GBX1: variants seen among roughly 807,000 people sequenced by gnomAD.
The protein encoded by GBX1 is homeobox protein GBX-1.
A neutral mutation model predicts 22.9 loss-of-function variants in GBX1; 9 were observed. That is an observed-to-expected ratio of 0.39 (90% CI 0.24 to 0.69). GBX1 has a LOEUF of 0.69. Ranked by LOEUF, GBX1 falls within the 30% of genes least tolerant of loss-of-function variation. GBX1 has a pLI of 0.43. For synonymous variants in GBX1, 203 were observed against 227.3 expected, an observed-to-expected ratio of 0.89 and a Z score of 0.96; for missense variants, 494 against 509.2, an observed-to-expected ratio of 0.97 and a Z score of 0.29.
intron 1 of GBX1, among the ~76,000 whole-genome samples, chr7:151,154,189 C>T (rs1007194501): frequency 2.6e-5 from 4 of 151,594 alleles, no homozygotes; most frequent in Non-Finnish European, 4.4e-5. Context: ...CCAGCCTGGG[C>T]GACAGAGTCT....
chr7:151,151,786 C>A (rs1801081986), intron 1 of GBX1, among the ~76,000 whole-genome samples: 1 of 152,226 alleles, frequency 6.6e-6, no homozygotes, highest in Admixed American at 6.5e-5. Context: ...ACCTGGTTCA[C>A]TGTCATCTTC....
chr7:151,160,888 T>C (rs547197219), intron 1 of GBX1, among the ~76,000 whole-genome samples: 7 of 152,334 alleles, frequency 4.6e-5, no homozygotes, highest in Admixed American at 3.9e-4. Flanking sequence ...CATAGAGAGC[T>C]CTGTCCTTTT....
At chr7:151,152,022 T>C (rs1801085100) in intron 1 of GBX1, among the ~76,000 whole-genome samples, 1 of 152,238 alleles carries the variant, frequency 6.6e-6, no homozygotes, top group African/African-American at 2.4e-5. Flanking sequence ...ATTTTACCAA[T>C]TTTATTCATT....
At chr7:151,163,662 C>T (rs1801211292) in intron 1 of GBX1, among the ~76,000 whole-genome samples, 1 of 151,866 alleles carries the variant, frequency 6.6e-6, no homozygotes. Context: ...TTAATTTTAC[C>T]TATTTTTATC....
At chr7:151,159,241 C>G (rs1335079473) in intron 1 of GBX1, among the ~76,000 whole-genome samples, 1 of 152,046 alleles carries the variant, frequency 6.6e-6, no homozygotes, top group Non-Finnish European at 1.5e-5. Context: ...TGCGCCACCA[C>G]TGCTAGCTAA....
chr7:151,151,831 A>C (rs977210316), intron 1 of GBX1, among the ~76,000 whole-genome samples: 1 of 151,874 alleles, frequency 6.6e-6, no homozygotes, highest in Non-Finnish European at 1.5e-5. Context: ...TCCACACTCC[A>C]CCTGGCCCAT....
chr7:151,149,013 G>A lies in GBX1; in HGVS notation c.668C>T (p.Ala223Val), dbSNP rs779955416. The change falls in exon 2 of 2, where the codon GCA (alanine) becomes GTA (valine). Residue 223 changes from alanine to valine, a missense_variant. Transcript: ENST00000297537. ...SEDDGFLDSSAGGPGALLGPK... is the reference protein window; with the variant it reads ...SEDDGFLDSSVGGPGALLGPK... ...TCCCAGAAGAGCCCCTGGGCCCCCTGCAGAACTGTCCAGGAAACCGTCATC... is the reference window on the plus strand; with the variant it reads ...TCCCAGAAGAGCCCCTGGGCCCCCTACAGAACTGTCCAGGAAACCGTCATC... 2.5e-6 allele frequency: 4 copies of A among 1,613,978 alleles called. No individual in the cohort carries two copies. The South Asian group carries it at 4.4e-5, about 18-fold the overall frequency.
At chr7:151,163,213 G>A (rs527707985) in intron 1 of GBX1, among the ~76,000 whole-genome samples, 1 of 151,766 alleles carries the variant, frequency 6.6e-6, no homozygotes. Flanking sequence ...CTTGCACACA[G>A]CAAGTTAGCT....
chr7:151,161,030 A>T (rs1801183088), intron 1 of GBX1, among the ~76,000 whole-genome samples: 2 of 151,744 alleles, frequency 1.3e-5, no homozygotes, highest in Admixed American at 1.3e-4. Flanking sequence ...CATCTACTCA[A>T]TTACTTCTCT....
chr7:151,166,758 A>C (rs1387902786), intron 1 of GBX1, among the ~76,000 whole-genome samples: 1 of 152,190 alleles, frequency 6.6e-6, no homozygotes, highest in East Asian at 1.9e-4. Context: ...AGGGAAAGGC[A>C]CTAATGTGAA....
chr7:151,167,584 C>T lies in GBX1; in HGVS notation c.-36G>A. 1 of 1,321,612 alleles carries T rather than the reference C, an allele frequency of 7.6e-7. No individual in the cohort carries two copies. The highest frequency in any genetic ancestry group is 9.6e-7 in the Non-Finnish European group (1 of 1,044,108). 81.9% of individuals were successfully genotyped at this position (1,321,612 alleles called of 1,614,324 possible). ...GCTGCGGCCGCCCCGGGGCGCTCCT[C>T]TCTGGGCGCCTCCGTGCGCCCCGCG... is the stretch of plus-strand genomic sequence containing the variant. On this transcript the variant is annotated 5_prime_UTR_variant, in exon 1 of 2. Coordinates refer to ENST00000297537, the MANE Select transcript of GBX1 (RefSeq NM_001098834.3). The surrounding 1 kb of genome is among the most constrained non-coding windows in gnomAD (Gnocchi z 5.9).
At position 151,148,059 on chromosome 7, in the gene GBX1, C is replaced by A. The variant is rs946110115; in HGVS notation, c.*530G>T. Among the ~76,000 whole-genome samples, 3 of 152,134 alleles carry A rather than the reference C, an allele frequency of 2.0e-5. No homozygotes were observed. The highest frequency in any genetic ancestry group is 4.4e-5 in the Non-Finnish European group (3 of 68,012). On this transcript the variant is annotated 3_prime_UTR_variant, in exon 2 of 2. Coordinates refer to ENST00000297537, the MANE Select transcript of GBX1 (RefSeq NM_001098834.3). The surrounding 1 kb of genome is among the most constrained non-coding windows in gnomAD (Gnocchi z 5.1). The stretch of plus-strand genomic sequence containing the variant: ...AAAGAGAGGCAAGATGGGGCCTACC[C>A]CAAAGCAGTAGGACAGACGAACTCT...
At chr7:151,159,745 G>A (rs1445803631) in intron 1 of GBX1, among the ~76,000 whole-genome samples, 1 of 152,164 alleles carries the variant, frequency 6.6e-6, no homozygotes, top group East Asian at 1.9e-4. Context: ...AGAAGGCCAG[G>A]AACCAATTTT....
chr7:151,150,849 C>T (rs969020649), intron 1 of GBX1, among the ~76,000 whole-genome samples: 1 of 152,206 alleles, frequency 6.6e-6, no homozygotes, highest in Non-Finnish European at 1.5e-5. Context: ...CCTCCACCCT[C>T]AGCCTCCCAA....
chr7:151,156,418 GA>G (rs1213690544), intron 1 of GBX1, among the ~76,000 whole-genome samples: 13 of 51,526 alleles, frequency 2.5e-4, no homozygotes, highest in African/African-American at 8.2e-4. Context: ...AAAAAAAAAC[GA>G]AAAAAAAGAG....
chr7:151,154,457 C>T (rs1211964586), intron 1 of GBX1, among the ~76,000 whole-genome samples: 1 of 152,066 alleles, frequency 6.6e-6, no homozygotes, highest in East Asian at 1.9e-4. Context: ...AGGTTCTGTC[C>T]TTTATGATGA....
Position 151,148,078 on chromosome 7 carries a change from G to T in GBX1, c.*511C>A, listed in dbSNP as rs534878987. ...CCTACCCCAAAGCAGTAGGACAGACGAACTCTGGCTGAGGATTGAGGAAAC... is the reference window on the plus strand; with the variant it reads ...CCTACCCCAAAGCAGTAGGACAGACTAACTCTGGCTGAGGATTGAGGAAAC... On this transcript the variant is annotated 3_prime_UTR_variant, in exon 2 of 2. Coordinates refer to ENST00000297537, the MANE Select transcript of GBX1 (RefSeq NM_001098834.3). This position sits in a 1 kb window ranked among gnomAD's most constrained non-coding sequence, Gnocchi z 5.1. Among the ~76,000 whole-genome samples the T allele has an allele frequency of 6.6e-6, 1 of 152,182 alleles. No individual in the cohort carries two copies. The highest frequency in any genetic ancestry group is 1.5e-5 in the Non-Finnish European group (1 of 68,028).
At chr7:151,157,645 T>G (rs1290352129) in intron 1 of GBX1, among the ~76,000 whole-genome samples, 1 of 152,212 alleles carries the variant, frequency 6.6e-6, no homozygotes, top group African/African-American at 2.4e-5. Flanking sequence ...TGTTTTTGTC[T>G]GCCCAGCATA....
chr7:151,166,331 T>C (rs1801249202), intron 1 of GBX1, among the ~76,000 whole-genome samples: 1 of 152,108 alleles, frequency 6.6e-6, no homozygotes, highest in Non-Finnish European at 1.5e-5. Context: ...GCCCAGCCTT[T>C]AGCCTCTCTC....
Sources: allele counts gnomAD v4.1 joint callset (sites outside exome capture counted in the v4.1 genomes callset), GRCh38; gene constraint gnomAD v4.1.1; non-coding constraint Gnocchi (gnomAD v3.1); transcripts MANE v1.5; gene names NCBI Gene and HGNC (gene_info 2026-07-23, HGNC 2026-07-21).